Variants in NOL4L observed in about 807,000 individuals in gnomAD.
NOL4L encodes the protein nucleolar protein 4 like.
In NOL4L, 7 loss-of-function variants were observed where a neutral mutation model predicts 64.5. That is an observed-to-expected ratio of 0.11 (90% confidence interval 0.06 to 0.20). NOL4L has a LOEUF of 0.20. Among genes scored for constraint, NOL4L ranks in the 10% least tolerant of loss-of-function variants. The pLI, the probability that NOL4L is intolerant of heterozygous loss-of-function variation, is 1.00. For synonymous variants in NOL4L, 413 were observed against 401.0 expected (o/e 1.03, Z -0.36); for missense variants, 680 against 967.1 (o/e 0.70, Z 3.94).
intron 5 of NOL4L, among the ~76,000 whole-genome samples, chr20:32,469,989 T>A (rs1341938860): frequency 6.6e-6 from 1 of 152,230 alleles, no homozygotes; most frequent in Admixed American, 6.5e-5. Context: ...GAGGCCCAGG[T>A]TGGAGGAGCG....
chr20:32,490,156 CAT>C (rs754327569), intron 4 of NOL4L, among the ~76,000 whole-genome samples: 9 of 131,386 alleles, frequency 6.9e-5, no homozygotes, highest in Admixed American at 5.7e-4. Context: ...TATATATACA[CAT>C]ATATATATGT....
chr20:32,504,184 C>A (rs1190279993), intron 4 of NOL4L, among the ~76,000 whole-genome samples: 1 of 152,064 alleles, frequency 6.6e-6, no homozygotes, highest in Non-Finnish European at 1.5e-5. Context: ...ATTAAGTTTT[C>A]TGTGTTTCTT....
In NOL4L at chr20:32,446,408, G is replaced by C. The variant is rs2012332551; in HGVS notation, c.*1188C>G. On this transcript the variant is annotated 3_prime_UTR_variant, in exon 11 of 11. Transcript: ENST00000621426. Reference sequence around the variant, plus strand: ...CTTTACTCCAAACATGGCGCAAGGGGATGGGAGCTGCAGCCCGCCCTGGAG... The same window carrying C: ...CTTTACTCCAAACATGGCGCAAGGGCATGGGAGCTGCAGCCCGCCCTGGAG... The C allele has an allele frequency of 6.6e-6, 1 of 152,304 alleles. No individual in the cohort carries two copies. The highest frequency in any genetic ancestry group is 1.5e-5 in the Non-Finnish European group (1 of 68,122). 9.4% of individuals were successfully genotyped at this position (152,304 alleles called of 1,614,324 possible).
chr20:32,488,828 T>TC (rs1555796680), intron 4 of NOL4L, among the ~76,000 whole-genome samples: 4 of 7,600 alleles, frequency 5.3e-4, no homozygotes, highest in South Asian at 4.2e-3. Flanking sequence ...TTTCTTTCTT[T>TC]TTCTTTCTTT....
intron 1 of NOL4L, 134 bp from the exon 2 acceptor site, chr20:32,528,047 C>G (rs2018201016): frequency 1.6e-6 from 1 of 617,990 alleles, no homozygotes; most frequent in African/African-American, 1.9e-5. Flanking sequence ...GGGGAGGGAG[C>G]CTACCGAGGG....
At chr20:32,559,874 C>T (rs1978894361) in intron 1 of NOL4L, among the ~76,000 whole-genome samples, 1 of 152,248 alleles carries the variant, frequency 6.6e-6, no homozygotes, top group African/African-American at 2.4e-5. Context: ...CAGGCCTGCC[C>T]AGGCCCTGCC....
intron 4 of NOL4L, 59 bp from the exon 5 acceptor site, chr20:32,474,801 C>A: frequency 6.6e-7 from 1 of 1,516,914 alleles, no homozygotes; most frequent in Non-Finnish European, 8.9e-7. Context: ...CAGCCTGAGG[C>A]AGCCTTGTGG....
intron 3 of NOL4L, among the ~76,000 whole-genome samples, chr20:32,513,113 G>C (rs2017483074): frequency 6.6e-6 from 1 of 152,178 alleles, no homozygotes; most frequent in Admixed American, 6.5e-5. Flanking sequence ...CTGGTACATA[G>C]TCCCACTGAT....
At position 32,447,296 on chromosome 20, in the gene NOL4L, T is replaced by TAAAC. The variant is rs1569354974; in HGVS notation, c.*296_*299dup. On this transcript the variant is annotated 3_prime_UTR_variant, in exon 11 of 11. Transcript: ENST00000621426. ...ACATCAGGGTCCACGAAGGTGATTC[T>TAAAC]AAACAGAGCTGCAGCCCCAGCGCCT... 1.7e-6 allele frequency: 1 copy of TAAAC among 586,922 alleles called. No individual in the cohort carries two copies. The highest frequency in any genetic ancestry group is 1.5e-5 in the South Asian group (1 of 65,734). The allele number at this position is 586,922 out of a possible 1,614,324, so 36.4% of individuals were successfully genotyped here.
chr20:32,488,856 TTTC>T (rs1491493868), intron 4 of NOL4L, among the ~76,000 whole-genome samples: 2 of 101,660 alleles, frequency 2.0e-5, no homozygotes, highest in Non-Finnish European at 3.5e-5. Flanking sequence ...TCTTTCTTTC[TTTC>T]TTTCTTTCTT....
At chr20:32,548,704 G>A (rs1460443759) in intron 1 of NOL4L, 1 of 337,604 alleles carries the variant, frequency 3.0e-6, no homozygotes, top group Non-Finnish European at 5.9e-6. Context: ...AAAAGCACAT[G>A]CCCTCAGACG....
At chr20:32,457,905 A>G (rs935780795) in intron 5 of NOL4L, among the ~76,000 whole-genome samples, 1 of 152,132 alleles carries the variant, frequency 6.6e-6, no homozygotes, top group Non-Finnish European at 1.5e-5. Context: ...ATTCCCCAGC[A>G]TTTTTACTGA....
At chr20:32,458,981 G>A (rs534105427) in intron 5 of NOL4L, among the ~76,000 whole-genome samples, 1 of 152,360 alleles carries the variant, frequency 6.6e-6, no homozygotes, top group South Asian at 2.1e-4. Context: ...AGACTCTCCA[G>A]CTACCAAGAC....
chr20:32,484,024 T>A (rs1474771602), intron 4 of NOL4L, among the ~76,000 whole-genome samples: 1 of 147,952 alleles, frequency 6.8e-6, no homozygotes, highest in Non-Finnish European at 1.5e-5. Flanking sequence ...GAGGCTGCGG[T>A]CTCTGGGTCC....
rs2012326361 is a variant in NOL4L, at chr20:32,446,243, CAGGG to C, written c.*1349_*1352del. 1 of 152,396 alleles carries C rather than the reference CAGGG, an allele frequency of 6.6e-6. No homozygotes were observed. The highest frequency in any genetic ancestry group is 2.1e-4 in the South Asian group (1 of 4,808). The allele number at this position is 152,396 out of a possible 1,614,324, so 9.4% of individuals were successfully genotyped here. ...AGGAAGTGCCTATCAATCAATCAAT[CAGGG>C]AGGAAGGAAACCAGGCCAGCTTTTT... On this transcript the variant is annotated 3_prime_UTR_variant, in exon 11 of 11. Transcript: ENST00000621426.
Position 32,460,288 on chromosome 20 carries a change from GCACA to G in NOL4L, c.842-3897_842-3894del, listed in dbSNP as rs1327686167. 3.9e-5 allele frequency among the ~76,000 whole-genome samples: 6 copies of G among 152,234 alleles called. No individual in the cohort carries two copies. The South Asian group carries it at 1.2e-3, about 32-fold the overall frequency. On this transcript the variant is annotated intron_variant, in intron 5 of 10. Coordinates refer to ENST00000621426, the MANE Select transcript of NOL4L (RefSeq NM_001256798.2). This position sits in a 1 kb window ranked among gnomAD's most constrained non-coding sequence, Gnocchi z 5.7. ...TGCCATTATCTCATTTTCTCATGCC[GCACA>G]CACAGAGCCTACTCAGAGGGACAAC... is the stretch of plus-strand genomic sequence containing the variant.
chr20:32,460,725 C>T lies in NOL4L; in HGVS notation c.842-4330G>A, dbSNP rs1194717670. 2.6e-5 allele frequency among the ~76,000 whole-genome samples: 4 copies of T among 152,302 alleles called. No individual in the cohort carries two copies. Among genetic ancestry groups the T allele is most frequent in the African/African-American group, 9.6e-5 (4 of 41,552 alleles). On this transcript the variant is annotated intron_variant, in intron 5 of 10. Coordinates refer to ENST00000621426, the MANE Select transcript of NOL4L (RefSeq NM_001256798.2). This position sits in a 1 kb window ranked among gnomAD's most constrained non-coding sequence, Gnocchi z 5.7. ...CTGCAACGGGGGCTTCTGGGGATCC[C>T]GGAGCCCAGCCTGTGACAGTCTGAG...
chr20:32,551,776 T>C (rs908565102), intron 1 of NOL4L, among the ~76,000 whole-genome samples: 1 of 152,022 alleles, frequency 6.6e-6, no homozygotes, highest in East Asian at 1.9e-4. Context: ...ATACTGAAAG[T>C]CACTTAACTG....
chr20:32,457,623 A>T (rs1275695906), intron 5 of NOL4L, among the ~76,000 whole-genome samples: 1 of 152,164 alleles, frequency 6.6e-6, no homozygotes, highest in African/African-American at 2.4e-5. Flanking sequence ...GCTGCCCATC[A>T]TGCAGCCAGG....
Sources: allele counts gnomAD v4.1 joint callset (sites outside exome capture counted in the v4.1 genomes callset), GRCh38; gene constraint gnomAD v4.1.1; non-coding constraint Gnocchi (gnomAD v3.1); transcripts MANE v1.5; gene names NCBI Gene and HGNC (gene_info 2026-07-23, HGNC 2026-07-21).